The following HTT-AS variants were observed in gnomAD, a reference collection of about 807,000 sequenced individuals.
HTT-AS encodes the protein HTT antisense RNA.
chr4:3,053,349 C>G (rs1420833046), intron 2 of HTT-AS, among the ~76,000 whole-genome samples: 1 of 152,092 alleles, frequency 6.6e-6, no homozygotes, highest in African/African-American at 2.4e-5. Context: ...CCTGGCCAAC[C>G]AGGCGAAACC....
chr4:3,061,900 T>C (rs1370589761), intron 2 of HTT-AS, among the ~76,000 whole-genome samples: 1 of 141,402 alleles, frequency 7.1e-6, no homozygotes, highest in Non-Finnish European at 1.5e-5. Context: ...GAGAATGGCG[T>C]GAACCGGGGA....
chr4:3,054,642 A>C (rs1045048122), intron 2 of HTT-AS, among the ~76,000 whole-genome samples: 1 of 152,250 alleles, frequency 6.6e-6, no homozygotes, highest in African/African-American at 2.4e-5. Flanking sequence ...ATATTGACTA[A>C]ATTTAAAGGA....
chr4:3,047,107 C>T (rs182169526), downstream of HTT-AS, among the ~76,000 whole-genome samples: 2,339 of 152,238 alleles, frequency 0.015, 54 homozygotes, highest in African/African-American at 0.053. Flanking sequence ...GTCAGGAGAT[C>T]GAGACCATCC....
intron 1 of HTT-AS, among the ~76,000 whole-genome samples, chr4:3,065,506 C>T (rs74658198): frequency 6.6e-6 from 1 of 152,126 alleles, no homozygotes; most frequent in African/African-American, 2.4e-5. Flanking sequence ...TGTGAGCCAC[C>T]ACGCCAGCCC....
intron 2 of HTT-AS, among the ~76,000 whole-genome samples, chr4:3,059,745 G>T (rs915528819): frequency 6.6e-6 from 1 of 151,848 alleles, no homozygotes; most frequent in Admixed American, 6.6e-5. Flanking sequence ...GCTAATTTTT[G>T]TATTTTTAGT....
chr4:3,057,390 T>A (rs1435507543), intron 2 of HTT-AS, among the ~76,000 whole-genome samples: 4 of 152,180 alleles, frequency 2.6e-5, no homozygotes, highest in Admixed American at 2.6e-4. Context: ...TGTTGTAGTG[T>A]GTGTCAGAAT....
chr4:3,071,601 C>T (rs1240022954), intron 1 of HTT-AS, among the ~76,000 whole-genome samples: 2 of 152,132 alleles, frequency 1.3e-5, no homozygotes, highest in Non-Finnish European at 2.9e-5. Flanking sequence ...TAGGGTGCAA[C>T]TCTATTACTT....
chr4:3,072,058 T>C (rs1343835225), intron 1 of HTT-AS, among the ~76,000 whole-genome samples: 1 of 152,220 alleles, frequency 6.6e-6, no homozygotes, highest in African/African-American at 2.4e-5. Flanking sequence ...TAGAGTTATA[T>C]GTAGTTACGT....
At chr4:3,062,484 T>G (rs1210246467) in exon 2 of HTT-AS, among the ~76,000 whole-genome samples, 1 of 152,106 alleles carries the variant, frequency 6.6e-6, no homozygotes, top group Admixed American at 6.6e-5. Flanking sequence ...AGGCACAGCA[T>G]GTGATGAGCG....
intron 1 of HTT-AS, among the ~76,000 whole-genome samples, chr4:3,067,167 A>G (rs1712072220): frequency 6.6e-6 from 1 of 152,244 alleles, no homozygotes; most frequent in African/African-American, 2.4e-5. Context: ...GAAGTAAGTC[A>G]GATGACACTA....
chr4:3,061,546 G>A (rs1711926117), intron 2 of HTT-AS, among the ~76,000 whole-genome samples: 3 of 152,154 alleles, frequency 2.0e-5, no homozygotes, highest in African/African-American at 7.2e-5. Context: ...GCTGGGCGTG[G>A]TGGCGGGCGC....
intron 2 of HTT-AS, among the ~76,000 whole-genome samples, chr4:3,061,992 A>T (rs1282822444): frequency 6.7e-6 from 1 of 148,398 alleles, no homozygotes; most frequent in African/African-American, 2.5e-5. Flanking sequence ...AAATTAAAAA[A>T]AAAAAAAAAA....
chr4:3,059,226 C>T (rs1711877948), intron 2 of HTT-AS, among the ~76,000 whole-genome samples: 1 of 152,180 alleles, frequency 6.6e-6, no homozygotes, highest in Admixed American at 6.5e-5. Context: ...GCAAACTGTT[C>T]AAACTGTGTT....
intron 2 of HTT-AS, among the ~76,000 whole-genome samples, chr4:3,050,023 C>T (rs916246927): frequency 6.6e-6 from 1 of 151,664 alleles, no homozygotes; most frequent in Admixed American, 6.6e-5. Context: ...TCGGCTCACT[C>T]CAACCTCTGC....
intron 2 of HTT-AS, among the ~76,000 whole-genome samples, chr4:3,057,655 A>G (rs1002025288): frequency 2.0e-5 from 3 of 152,060 alleles, no homozygotes; most frequent in Admixed American, 2.0e-4. Context: ...TTTATTTTTG[A>G]GACAGAGTCT....
chr4:3,055,816 A>G (rs756119736), intron 2 of HTT-AS, among the ~76,000 whole-genome samples: 58 of 152,324 alleles, frequency 3.8e-4, no homozygotes, highest in Non-Finnish European at 6.0e-4. Context: ...GAATTTTCAA[A>G]AGCCAAATTT....
chr4:3,049,083 A>C (rs754039864), downstream of HTT-AS, among the ~76,000 whole-genome samples: 53 of 152,198 alleles, frequency 3.5e-4, no homozygotes, highest in Non-Finnish European at 6.8e-4. Context: ...TCGTCTTTTC[A>C]TTTCTATTAT....
At chr4:3,055,155 G>A (rs562678455) in intron 2 of HTT-AS, among the ~76,000 whole-genome samples, 6 of 151,986 alleles carry the variant, frequency 3.9e-5, no homozygotes, top group South Asian at 2.1e-4. Context: ...GAGACCATCC[G>A]GGCGTGGTGG....
Position 3,064,578 on chromosome 4 carries a change from C to A in HTT-AS, n.114-878G>T, listed in dbSNP as rs190120339. On this transcript the variant is annotated intron_variant and non_coding_transcript_variant, in intron 1 of 2. Coordinates refer to ENST00000664062, the Ensembl canonical transcript of HTT-AS. The stretch of plus-strand genomic sequence containing the variant: ...CATAAAACTTGGATGAAATGCATTT[C>A]TAGGAAAACATAATTTATCAAAACT... Among the ~76,000 whole-genome samples the A allele has an allele frequency of 2.8e-4, 43 of 152,230 alleles. No homozygotes were observed. The East Asian group carries it at 8.1e-3, about 29-fold the overall frequency.
Sources: gnomAD v4.1 joint callset for allele counts (sites outside exome capture counted in the v4.1 genomes callset) on GRCh38, gnomAD v4.1.1 for gene constraint, MANE v1.5 for transcripts, NCBI Gene and HGNC (gene_info 2026-07-23, HGNC 2026-07-21) for gene names.